Variants in ZNF626 observed in about 807,000 individuals in gnomAD.
ZNF626 encodes CTC-513N18.7.
Under a neutral mutation model 11.7 loss-of-function variants are expected in ZNF626, and 4 were observed. The ratio of observed to expected loss-of-function variants is 0.34; its 90% CI spans 0.17 to 0.78. The LOEUF is 0.78. Ranked by LOEUF, ZNF626 falls within the 30% of genes least tolerant of loss-of-function variation. The pLI, the probability that ZNF626 is intolerant of heterozygous loss-of-function variation, is 0.57. For missense variants in ZNF626, 588 were observed against 587.1 expected, an observed-to-expected ratio of 1.00 and a Z score of -0.01; for synonymous variants, 179 against 198.6, an observed-to-expected ratio of 0.90 and a Z score of 0.83.
chr19:20,623,558 G>T lies in ZNF626; in HGVS notation c.*732C>A. The T allele has an allele frequency of 6.3e-6, 1 of 158,114 alleles. No homozygotes were observed. Among genetic ancestry groups the T allele is most frequent in the Non-Finnish European group, 1.4e-5 (1 of 71,596 alleles). The allele number at this position is 158,114 out of a possible 1,614,324, so 9.8% of individuals were successfully genotyped here. On this transcript the variant is annotated 3_prime_UTR_variant, in exon 4 of 4. Coordinates refer to ENST00000601440, the MANE Select transcript of ZNF626 (RefSeq NM_001076675.3). The stretch of plus-strand genomic sequence containing the variant: ...TCATGCCTGTAATTGCAACACTTTA[G>T]GAGGCTGAGGTGGGTGGATCATGTG...
chr19:20,655,373 CTCCTATCTTTGT>C (rs1190049438), intron 1 of ZNF626, among the ~76,000 whole-genome samples: 3 of 152,164 alleles, frequency 2.0e-5, no homozygotes, highest in African/African-American at 7.2e-5. Flanking sequence ...GCTACCTTTA[CTCCTATCTTTGT>C]GCTAAGCTTC....
intron 1 of ZNF626, among the ~76,000 whole-genome samples, chr19:20,656,517 A>T (rs1970207355): frequency 6.6e-6 from 1 of 152,168 alleles, no homozygotes; most frequent in Non-Finnish European, 1.5e-5. Flanking sequence ...ACAGAATAAA[A>T]GAAAATATTT....
At chr19:20,626,940 G>C (rs560394641) in intron 3 of ZNF626, among the ~76,000 whole-genome samples, 1 of 152,150 alleles carries the variant, frequency 6.6e-6, no homozygotes, top group South Asian at 2.1e-4. Flanking sequence ...GCTTGAACTC[G>C]GGAGGCAGAG....
At chr19:20,629,115 G>A (rs555897293) in intron 3 of ZNF626, among the ~76,000 whole-genome samples, 1 of 152,102 alleles carries the variant, frequency 6.6e-6, no homozygotes, top group African/African-American at 2.4e-5. Context: ...TTATTTCTGA[G>A]GGCTCTGTTC....
intron 1 of ZNF626, among the ~76,000 whole-genome samples, chr19:20,652,831 T>G (rs1390670673): frequency 1.3e-5 from 2 of 152,194 alleles, no homozygotes; most frequent in Non-Finnish European, 2.9e-5. Flanking sequence ...TGCACATTTG[T>G]GAGCTTTTTA....
At chr19:20,636,559 TAA>T (rs1264087019) in intron 3 of ZNF626, among the ~76,000 whole-genome samples, 1 of 143,156 alleles carries the variant, frequency 7.0e-6, no homozygotes. Context: ...CTTGAAGATT[TAA>T]AAAAAAAAAG....
At chr19:20,658,760 A>T (rs274804) in intron 1 of ZNF626, among the ~76,000 whole-genome samples, 76,898 of 151,768 alleles carry the variant, frequency 0.51, 22,385 homozygotes, top group African/African-American at 0.8. Flanking sequence ...CCACCTAGAG[A>T]CAGCACAGAC....
chr19:20,654,700 G>GA (rs1306035151), intron 1 of ZNF626, among the ~76,000 whole-genome samples: 39 of 143,298 alleles, frequency 2.7e-4, no homozygotes, highest in African/African-American at 2.5e-4. Flanking sequence ...TGAGACTCCG[G>GA]AAAAAAAAAA....
chr19:20,642,386 T>G (rs1970032996), intron 3 of ZNF626, among the ~76,000 whole-genome samples: 1 of 151,932 alleles, frequency 6.6e-6, no homozygotes, highest in Non-Finnish European at 1.5e-5. Context: ...GATCACAAGG[T>G]CAGAAGTTTG....
In ZNF626 at chr19:20,624,359, TC is replaced by T; in HGVS notation, c.1517del (p.Arg506LysfsTer6). On this transcript the variant is annotated frameshift_variant, in exon 4 of 4. Transcript: ENST00000601440. LOFTEE classifies it low-confidence loss of function (END_TRUNC). ...CCACATTCTTCACATTTGTAGAATT[TC>T]TCTCCAGTATGATTCTCTCATGTGT... ...LTTHERIILE[R>X]NSTNVKNVAK... 3.6e-6 allele frequency: 5 copies of T among 1,381,162 alleles called. No individual in the cohort carries two copies. Among genetic ancestry groups the T allele is most frequent in the East Asian group, 3.0e-5 (1 of 32,864 alleles). The allele number at this position is 1,381,162 out of a possible 1,614,324, so 85.6% of individuals were successfully genotyped here.
rs532443528 is a variant in ZNF626 at position 20,621,555 on chromosome 19, G to A, written c.*2735C>T. The A allele has an allele frequency of 1.4e-4, 22 of 152,262 alleles. No homozygotes were observed. The highest frequency in any genetic ancestry group is 2.4e-4 in the Non-Finnish European group (16 of 68,022). The allele number at this position is 152,262 out of a possible 1,614,324, so 9.4% of individuals were successfully genotyped here. On this transcript the variant is annotated 3_prime_UTR_variant, in exon 4 of 4. Coordinates refer to ENST00000601440, the MANE Select transcript of ZNF626 (RefSeq NM_001076675.3). The stretch of plus-strand genomic sequence containing the variant: ...ACTGTTTGGATTAGAAAGGATAAAT[G>A]CTAGAGGTGACAGATACCTTATTTA...
Position 20,645,425 on chromosome 19 carries a change from C to T in ZNF626, c.226+259G>A, listed in dbSNP as rs917328212. The T allele has an allele frequency of 2.5e-6, 4 of 1,611,822 alleles. No homozygotes were observed. In the Admixed American group the frequency reaches 5.0e-5, roughly 20 times the overall value. On this transcript the variant is annotated intron_variant, in intron 3 of 3. Transcript: ENST00000601440. ...ATGTCATGAAGAGGACTTTGGCTCT[C>T]ACTGTGAACTTGAAGGAAGCTCACT...
At chr19:20,645,002 A>G (rs1970059710) in intron 3 of ZNF626, 1 of 155,064 alleles carries the variant, frequency 6.4e-6, no homozygotes, top group South Asian at 2.1e-4. Context: ...AAACATGAAT[A>G]TTATTGAAGT....
intron 3 of ZNF626, among the ~76,000 whole-genome samples, chr19:20,639,017 G>A (rs1407062693): frequency 5.3e-5 from 8 of 152,180 alleles, no homozygotes; most frequent in African/African-American, 1.9e-4. Context: ...TAAGAAGTGT[G>A]TGTCAACAAC....
In ZNF626 at chr19:20,645,726, G is replaced by C; in HGVS notation, c.184C>G (p.Pro62Ala). The change falls in exon 3 of 4, where the codon CCT becomes GCT. Residue 62 changes from proline (P) to alanine (A), a missense_variant. By Grantham distance (27) the Pro-to-Ala change is conservative. Transcript: ENST00000601440. The part of the protein sequence containing the change: ...LITCLEQGRK[P>A]LTMKRNEMIA... The stretch of plus-strand genomic sequence containing the variant: ...ATCTCATTTCTCTTCATGGTCAAAG[G>C]TTTTCTTCCTTGCTCCAGACAGGTG... 6.2e-7 allele frequency: 1 copy of C among 1,611,802 alleles called. No homozygotes were observed. The highest frequency in any genetic ancestry group is 8.5e-7 in the Non-Finnish European group (1 of 1,179,504).
chr19:20,660,680 C>T (rs1013079039), intron 1 of ZNF626, among the ~76,000 whole-genome samples: 2 of 152,110 alleles, frequency 1.3e-5, no homozygotes, highest in African/African-American at 4.8e-5. Context: ...CCTCGGCCTC[C>T]GAAGTGCTGG....
At chr19:20,626,508 G>C (rs1256044000) in intron 3 of ZNF626, among the ~76,000 whole-genome samples, 4 of 152,098 alleles carry the variant, frequency 2.6e-5, no homozygotes, top group African/African-American at 9.7e-5. Flanking sequence ...CACATTAGGT[G>C]AGAATTTGAG....
intron 3 of ZNF626, among the ~76,000 whole-genome samples, chr19:20,632,515 CT>C (rs1183791686): frequency 6.6e-6 from 1 of 152,156 alleles, no homozygotes; most frequent in East Asian, 1.9e-4. Context: ...CTAAACTTCT[CT>C]TCTCGCTTCA....
intron 3 of ZNF626, among the ~76,000 whole-genome samples, chr19:20,633,233 G>A (rs2144771917): frequency 6.6e-6 from 1 of 152,338 alleles, no homozygotes; most frequent in South Asian, 2.1e-4. Flanking sequence ...TTGGGGGTCA[G>A]GGACCCACTT....
Sources: gnomAD v4.1 joint callset for allele counts (sites outside exome capture counted in the v4.1 genomes callset) on GRCh38, gnomAD v4.1.1 for gene constraint, MANE v1.5 for transcripts, NCBI Gene and HGNC (gene_info 2026-07-23, HGNC 2026-07-21) for gene names.